Variants in LRBA observed in about 807,000 individuals in gnomAD.
LRBA encodes lipopolysaccharide-responsive and beige-like anchor protein.
A neutral mutation model predicts 330.0 loss-of-function variants in LRBA; 176 were observed. The observed-to-expected ratio is 0.53, with a 90% CI of 0.47 to 0.60. The LOEUF (loss-of-function observed/expected upper bound fraction) is 0.60, where lower values mean the gene tolerates loss of function less well. Ranked by LOEUF, LRBA falls within the 20% of genes least tolerant of loss-of-function variation. LRBA has a pLI of 0.00. For synonymous variants in LRBA, 1,230 were observed against 1,193.0 expected (o/e 1.03, Z -0.64); for missense variants, 3,259 against 3,444.8 (o/e 0.95, Z 1.35).
rs199528694 is a variant in LRBA, at chr4:150,858,967, T to TA, written c.2767-6025dup. ...TTAATAAACCAATTAGAGAATTCTT[T>TA]AAAAAAAAATCTTATTTCCACATGC... is the stretch of plus-strand genomic sequence containing the variant. On this transcript the variant is annotated intron_variant, in intron 22 of 56. Coordinates refer to ENST00000651943, the MANE Select transcript of LRBA (RefSeq NM_001364905.1). 8.1e-3 allele frequency among the ~76,000 whole-genome samples: 1,224 copies of TA among 151,916 alleles called. 9 individuals carry two copies. The highest frequency in any genetic ancestry group is 0.017 in the Middle Eastern group (5 of 294).
rs779979449 is a variant in LRBA at position 150,583,701 on chromosome 4, G to T, written c.6330+4347C>A. ...ACTCGCTGACCGGCAAGCAGAGCTC[G>T]GCAGAGAGCGACGCCTGGGTGCTAC... On this transcript the variant is annotated intron_variant, in intron 40 of 56. Transcript: ENST00000651943. This position sits in a 1 kb window ranked among gnomAD's most constrained non-coding sequence, Gnocchi z 9.8. 1.2e-6 allele frequency: 2 copies of T among 1,613,378 alleles called. No individual in the cohort carries two copies. Among genetic ancestry groups the T allele is most frequent in the Non-Finnish European group, 8.5e-7 (1 of 1,179,814 alleles).
chr4:150,906,255 T>C (rs1485775240), intron 12 of LRBA, 42 bp downstream of exon 12: 2 of 1,265,156 alleles, frequency 1.6e-6, no homozygotes, highest in East Asian at 4.6e-5. Context: ...ATGTATGGCC[T>C]GTAAATTAAG....
chr4:150,671,649 T>C (rs949694590), intron 37 of LRBA, among the ~76,000 whole-genome samples: 2 of 152,346 alleles, frequency 1.3e-5, no homozygotes, highest in East Asian at 3.9e-4. Context: ...CAAGGAGACC[T>C]GCATGTAGGA....
chr4:150,943,319 C>CT (rs1735878685), intron 2 of LRBA, among the ~76,000 whole-genome samples: 1 of 152,166 alleles, frequency 6.6e-6, no homozygotes, highest in Non-Finnish European at 1.5e-5. Context: ...TAGGGTCTCA[C>CT]TATGTTGGCC....
chr4:150,632,774 C>T (rs1173109517), intron 37 of LRBA, among the ~76,000 whole-genome samples: 1 of 152,180 alleles, frequency 6.6e-6, no homozygotes, highest in East Asian at 1.9e-4. Flanking sequence ...GATGTCAGCT[C>T]CTACAGGTAA....
At chr4:150,979,751 T>C (rs764763223) in intron 2 of LRBA, among the ~76,000 whole-genome samples, 6 of 152,132 alleles carry the variant, frequency 3.9e-5, no homozygotes, top group Non-Finnish European at 7.4e-5. Flanking sequence ...TCAGAAAACA[T>C]ACAACCTACC....
At chr4:150,663,032 A>G (rs1781263754) in intron 37 of LRBA, among the ~76,000 whole-genome samples, 1 of 152,204 alleles carries the variant, frequency 6.6e-6, no homozygotes. Context: ...AGATCAGTAG[A>G]AAGCCCTCAC....
At chr4:150,470,872 CA>C (rs760168058) in intron 43 of LRBA, among the ~76,000 whole-genome samples, 1,858 of 122,560 alleles carry the variant, frequency 0.015, 14 homozygotes, top group Middle Eastern at 0.021. Flanking sequence ...CACACACACA[CA>C]CACCACACAC....
At chr4:150,453,604 T>C (rs1178545384) in intron 44 of LRBA, among the ~76,000 whole-genome samples, 1 of 152,182 alleles carries the variant, frequency 6.6e-6, no homozygotes, top group Non-Finnish European at 1.5e-5. Flanking sequence ...TTAACACCAT[T>C]GGGTCAAAAT....
intron 40 of LRBA, among the ~76,000 whole-genome samples, chr4:150,536,466 C>T (rs185531497): frequency 6.6e-6 from 1 of 152,046 alleles, no homozygotes; most frequent in African/African-American, 2.4e-5. Context: ...ATTTCAATTG[C>T]GGTCGATTTT....
At chr4:150,650,209 C>T (rs569460866) in intron 37 of LRBA, among the ~76,000 whole-genome samples, 2 of 152,218 alleles carry the variant, frequency 1.3e-5, no homozygotes, top group East Asian at 3.9e-4. Context: ...AGTGAGAAGG[C>T]CCAAACAGCT....
rs1339224469 is a variant in LRBA at position 150,374,700 on chromosome 4, A to G, written c.7195-24541T>C. Among the ~76,000 whole-genome samples the G allele has an allele frequency of 2.0e-5, 3 of 152,244 alleles. No homozygotes were observed. The East Asian group carries it at 5.8e-4, about 29-fold the overall frequency. On this transcript the variant is annotated intron_variant, in intron 47 of 56. Coordinates refer to ENST00000651943, the MANE Select transcript of LRBA (RefSeq NM_001364905.1). ...ATTAGGGATGCTCAACCGTAAGTAT[A>G]GTGCAAATATTCCAAAATGTAAAGG...
rs542903926 is a variant in LRBA, at chr4:150,727,238, T to C, written c.5754+8020A>G. Among the ~76,000 whole-genome samples, 3 of 152,052 alleles carry C rather than the reference T, an allele frequency of 2.0e-5. No homozygotes were observed. In the South Asian group the frequency reaches 6.2e-4, roughly 32 times the overall value. Reference sequence around the variant, plus strand: ...ACAGGTGCATGCCACCACACTCAGCTAATTTTTGTATTTTTAGTAGAGACG... The same window carrying C: ...ACAGGTGCATGCCACCACACTCAGCCAATTTTTGTATTTTTAGTAGAGACG... On this transcript the variant is annotated intron_variant, in intron 36 of 56. Coordinates refer to ENST00000651943, the MANE Select transcript of LRBA (RefSeq NM_001364905.1).
intron 2 of LRBA, among the ~76,000 whole-genome samples, chr4:150,997,113 C>T (rs1742742110): frequency 6.6e-6 from 1 of 151,960 alleles, no homozygotes; most frequent in Non-Finnish European, 1.5e-5. Flanking sequence ...TCTGAAGCAC[C>T]ACTTAAATAA....
intron 48 of LRBA, among the ~76,000 whole-genome samples, chr4:150,342,593 CTGA>C (rs1735739855): frequency 6.6e-6 from 1 of 152,150 alleles, no homozygotes; most frequent in Non-Finnish European, 1.5e-5. Context: ...GGCTGTTTCT[CTGA>C]TTACTCTTCC....
At chr4:150,933,776 C>G (rs1734765344) in intron 2 of LRBA, among the ~76,000 whole-genome samples, 1 of 152,004 alleles carries the variant, frequency 6.6e-6, no homozygotes, top group African/African-American at 2.4e-5. Context: ...CTTTGGGAAA[C>G]CGAGAGAGCA....
Position 150,831,804 on chromosome 4 carries a change from A to C in LRBA, c.4729+13T>G. 6.4e-7 allele frequency: 1 copy of C among 1,570,802 alleles called. No individual in the cohort carries two copies. The highest frequency in any genetic ancestry group is 1.2e-5 in the South Asian group (1 of 82,234). ...TGAACTTTGGTACAAAGGAATAGAA[A>C]ATGCAAACTTACCAGAGAGTGATAC... On this transcript the variant is annotated intron_variant, in intron 29 of 56. Coordinates refer to ENST00000651943, the MANE Select transcript of LRBA (RefSeq NM_001364905.1).
chr4:150,584,316 G>A (rs772060357), intron 40 of LRBA: 1 of 480,928 alleles, frequency 2.1e-6, no homozygotes, highest in Non-Finnish European at 3.5e-6. Flanking sequence ...AAAAGTGATC[G>A]TTTTCTTCCA....
intron 2 of LRBA, among the ~76,000 whole-genome samples, chr4:151,006,257 C>T (rs1401582562): frequency 6.6e-6 from 1 of 151,980 alleles, no homozygotes; most frequent in Non-Finnish European, 1.5e-5. Flanking sequence ...AACCCAGAGG[C>T]GGAGGCTGCC....
Sources: gnomAD v4.1 joint callset for allele counts (sites outside exome capture counted in the v4.1 genomes callset) on GRCh38, gnomAD v4.1.1 for gene constraint, Gnocchi (gnomAD v3.1) non-coding constraint, MANE v1.5 for transcripts, NCBI Gene and HGNC (gene_info 2026-07-23, HGNC 2026-07-21) for gene names.